Variants in NDEL1 observed in about 807,000 individuals in gnomAD.
The protein encoded by NDEL1 is nuclear distribution protein nudE-like 1.
A neutral mutation model predicts 45.7 loss-of-function variants in NDEL1; 9 were observed. The observed-to-expected ratio is 0.20, with a 90% CI of 0.12 to 0.34. NDEL1 has a LOEUF of 0.34. NDEL1 is among the 10% of genes least tolerant of loss of function. The pLI is 1.00. For missense variants in NDEL1, 306 were observed against 406.2 expected (o/e 0.75, Z 2.12); for synonymous variants, 133 against 158.6 (o/e 0.84, Z 1.21).
chr17:8,443,620 C>A (rs533377633), intron 1 of NDEL1, among the ~76,000 whole-genome samples: 1 of 152,076 alleles, frequency 6.6e-6, no homozygotes, highest in African/African-American at 2.4e-5. Flanking sequence ...TTAATTAAAT[C>A]GCTTTTTTTC....
At position 8,448,778 on chromosome 17, in the gene NDEL1, C is replaced by G. The variant is rs1032482073; in HGVS notation, c.526+92C>G. Reference sequence around the variant, plus strand: ...ACTTATACTCTGATTTTTTTTCAACCAAATGTGGATTGAAAATACAGTATT... The same window carrying G: ...ACTTATACTCTGATTTTTTTTCAACGAAATGTGGATTGAAAATACAGTATT... On this transcript the variant is annotated intron_variant, in intron 5 of 8. Transcript: ENST00000334527. The G allele has an allele frequency of 4.0e-6, 5 of 1,256,012 alleles. No homozygotes were observed. In the African/African-American group the frequency reaches 6.1e-5, roughly 15 times the overall value. 77.8% of individuals were successfully genotyped at this position (1,256,012 alleles called of 1,614,324 possible).
At chr17:8,418,269 T>G (rs577722852) in intron 1 of NDEL1, among the ~76,000 whole-genome samples, 1 of 152,312 alleles carries the variant, frequency 6.6e-6, no homozygotes, top group South Asian at 2.1e-4. Flanking sequence ...CAAGAGGAAG[T>G]GAAGATACAC....
intron 1 of NDEL1, among the ~76,000 whole-genome samples, chr17:8,419,189 C>T (rs960918240): frequency 3.0e-4 from 46 of 152,174 alleles, no homozygotes; most frequent in African/African-American, 1.1e-3. Flanking sequence ...TCAGAGCAGA[C>T]TTCAGAAAAT....
intron 6 of NDEL1, among the ~76,000 whole-genome samples, chr17:8,452,360 G>T (rs551205193): frequency 6.6e-6 from 1 of 152,278 alleles, no homozygotes; most frequent in South Asian, 2.1e-4. Flanking sequence ...TTAATAGCCC[G>T]TTAGAGTTTT....
At position 8,437,292 on chromosome 17, in the gene NDEL1, T is replaced by G. The variant is rs533401169; in HGVS notation, c.-13+1247T>G. 1.8e-3 allele frequency among the ~76,000 whole-genome samples: 281 copies of G among 152,272 alleles called. 1 individual carries two copies. Among genetic ancestry groups the G allele is most frequent in the African/African-American group, 6.5e-3 (270 of 41,556 alleles). On this transcript the variant is annotated intron_variant, in intron 1 of 8. Transcript: ENST00000334527. ...AAACAAAACCTTTGGCCAGCCCTGG[T>G]TAGAGGTTGACTTGATCCAGATAGA...
chr17:8,443,987 C>CA (rs972749190), intron 1 of NDEL1: 5 of 268,934 alleles, frequency 1.9e-5, no homozygotes, highest in Non-Finnish European at 3.5e-5. Context: ...TCTGTGGGCC[C>CA]AAGTCACCCA....
intron 1 of NDEL1, among the ~76,000 whole-genome samples, chr17:8,440,029 A>G (rs1032323452): frequency 6.6e-5 from 10 of 152,156 alleles, no homozygotes; most frequent in African/African-American, 2.4e-4. Context: ...CCACTATGCT[A>G]TGCTGCTCCT....
At chr17:8,470,621 T>C (rs756258095), downstream of NDEL1, among the ~76,000 whole-genome samples, 5 of 152,088 alleles carry the variant, frequency 3.3e-5, no homozygotes, top group Non-Finnish European at 7.4e-5. The surrounding 1 kb of genome is among the most constrained non-coding windows in gnomAD (Gnocchi z 4.2). Context: ...GAAAGGACAA[T>C]GGGCCCGGGT....
intron 7 of NDEL1, among the ~76,000 whole-genome samples, chr17:8,456,143 A>T (rs1444011420): frequency 3.3e-5 from 5 of 152,210 alleles, no homozygotes; most frequent in Non-Finnish European, 7.3e-5. Flanking sequence ...TCTAAAGCAG[A>T]TATGGGAGGC....
Position 8,466,933 on chromosome 17 carries a change from A to G in NDEL1, c.948A>G (p.Ala316=). 1 of 1,614,196 alleles carries G rather than the reference A, an allele frequency of 6.2e-7. No individual in the cohort carries two copies. Among genetic ancestry groups the G allele is most frequent in the Non-Finnish European group, 8.5e-7 (1 of 1,180,020 alleles). The change falls in exon 9 of 9, where the codon GCA becomes GCG. Residue 316 remains alanine, a synonymous_variant. Transcript: ENST00000334527. ...SGHTSFFDKG[A]VNGFDPAPPP... Reference sequence around the variant, plus strand: ...TGTGCTCTGGTTGCTCCCACAGGGCAGTAAACGGCTTTGACCCCGCTCCTC... The same window carrying G: ...TGTGCTCTGGTTGCTCCCACAGGGCGGTAAACGGCTTTGACCCCGCTCCTC...
chr17:8,419,997 G>A (rs1444193010), intron 1 of NDEL1, among the ~76,000 whole-genome samples: 1 of 152,226 alleles, frequency 6.6e-6, no homozygotes. Flanking sequence ...TGGTCTAAGA[G>A]CTGAAGACCT....
chr17:8,446,677 C>G (rs1010412521), intron 3 of NDEL1, 77 bp from the exon 4 acceptor site: 1 of 1,502,034 alleles, frequency 6.7e-7, no homozygotes, highest in East Asian at 2.3e-5. Context: ...CCCCCCCACC[C>G]TTTTAACTTG....
intron 1 of NDEL1, among the ~76,000 whole-genome samples, chr17:8,413,710 T>G (rs1266758373): frequency 1.3e-5 from 2 of 152,244 alleles, no homozygotes; most frequent in Non-Finnish European, 1.5e-5. Context: ...TTGACTTCAC[T>G]GCTCATGGGC....
upstream of NDEL1, chr17:8,435,777 C>G (rs1379447264): frequency 2.7e-6 from 1 of 368,464 alleles, no homozygotes; most frequent in African/African-American, 2.2e-5. Context: ...CTGGCCCGCC[C>G]CCTGTGACAC....
intron 7 of NDEL1, among the ~76,000 whole-genome samples, chr17:8,457,650 T>G (rs1273316381): frequency 6.6e-6 from 1 of 152,206 alleles, no homozygotes; most frequent in Non-Finnish European, 1.5e-5. Context: ...GTTTTAAGCT[T>G]CTTTGATTTC....
chr17:8,455,204 C>T (rs1910751597), intron 7 of NDEL1, among the ~76,000 whole-genome samples: 1 of 152,224 alleles, frequency 6.6e-6, no homozygotes, highest in Non-Finnish European at 1.5e-5. Flanking sequence ...CTACCACCCT[C>T]ATCCTGGTCT....
At chr17:8,460,379 A>G (rs1238921252) in intron 8 of NDEL1, among the ~76,000 whole-genome samples, 1 of 152,144 alleles carries the variant, frequency 6.6e-6, no homozygotes, top group Non-Finnish European at 1.5e-5. Context: ...CTGTCCTGGG[A>G]AGCAGACTCT....
Position 8,446,773 on chromosome 17 carries a change from A to G in NDEL1, c.260A>G (p.Tyr87Cys). ...CCTCAGGAGAAGCTAGAGCATCAAT[A>G]TGCACAGAGCTATAAGCAGGTCTCA... ...EALKEKLEHQ[Y>C]AQSYKQVSVL... Residue 87 changes from tyrosine (Y) to cysteine (C), a missense_variant, in exon 4 of 9, where the codon TAT becomes TGT. Coordinates refer to ENST00000334527, the MANE Select transcript of NDEL1 (RefSeq NM_030808.5). 3 of 1,614,176 alleles carry G rather than the reference A, an allele frequency of 1.9e-6. No individual in the cohort carries two copies. Among genetic ancestry groups the G allele is most frequent in the Non-Finnish European group, 2.5e-6 (3 of 1,180,042 alleles).
At chr17:8,415,558 C>G (rs1908528473) in intron 1 of NDEL1, among the ~76,000 whole-genome samples, 1 of 151,748 alleles carries the variant, frequency 6.6e-6, no homozygotes, top group Non-Finnish European at 1.5e-5. Context: ...AGCTCAGCCT[C>G]CTGAGTAGCT....
Sources: gnomAD v4.1 joint callset for allele counts (sites outside exome capture counted in the v4.1 genomes callset) on GRCh38, gnomAD v4.1.1 for gene constraint, Gnocchi (gnomAD v3.1) non-coding constraint, MANE v1.5 for transcripts, NCBI Gene and HGNC (gene_info 2026-07-23, HGNC 2026-07-21) for gene names.